ROS1: variants seen among roughly 807,000 people sequenced by gnomAD.
ROS1 encodes the protein ROS proto-oncogene 1, receptor tyrosine kinase.
Under a neutral mutation model 273.5 loss-of-function variants are expected in ROS1, and 263 were observed. The ratio of observed to expected loss-of-function variants is 0.96; its 90% CI spans 0.87 to 1.06. The LOEUF (loss-of-function observed/expected upper bound fraction) is 1.06, where lower values mean the gene tolerates loss of function less well. Among genes scored for constraint, ROS1 ranks in the 50% least tolerant of loss-of-function variants. ROS1 has a pLI of 0.00. For missense variants in ROS1, 2,833 were observed against 2,751.1 expected (o/e 1.03, Z -0.67); for synonymous variants, 1,008 against 954.1 (o/e 1.06, Z -1.04).
intron 42 of ROS1, among the ~76,000 whole-genome samples, chr6:117,305,225 C>T (rs898054451): frequency 6.6e-6 from 1 of 152,058 alleles, no homozygotes; most frequent in African/African-American, 2.4e-5. Flanking sequence ...TATTGCCATA[C>T]TTACTTATAA....
At chr6:117,303,752 G>T (rs1774910366) in intron 42 of ROS1, among the ~76,000 whole-genome samples, 1 of 152,130 alleles carries the variant, frequency 6.6e-6, no homozygotes. Context: ...TTATAAAGGG[G>T]CAGGTTGGAA....
intron 42 of ROS1, 62 bp from the exon 43 acceptor site, chr6:117,301,199 G>A (rs1774697394): frequency 7.3e-7 from 1 of 1,365,344 alleles, no homozygotes; most frequent in Admixed American, 2.7e-5. Context: ...TGATAACCCA[G>A]GTAGGGTCAT....
Position 117,351,476 on chromosome 6 carries a change from G to A in ROS1, c.4303+1514C>T, listed in dbSNP as rs80157339. Among the ~76,000 whole-genome samples, 667 of 152,198 alleles carry A rather than the reference G, an allele frequency of 4.4e-3. 3 individuals carry two copies. Among genetic ancestry groups the A allele is most frequent in the African/African-American group, 0.016 (644 of 41,522 alleles). ...AAGAAAAAAACCAGTTAAAGCTCCT[G>A]GAGGTAAAACTTATAAAATGAAGCC... On this transcript the variant is annotated intron_variant, in intron 27 of 43. Transcript: ENST00000368507.
intron 7 of ROS1, among the ~76,000 whole-genome samples, chr6:117,398,693 A>AAC (rs1554252570): frequency 7.1e-6 from 1 of 141,094 alleles, no homozygotes; most frequent in Non-Finnish European, 1.6e-5. Context: ...AAAAAAAAAA[A>AAC]AAAACTCGCG....
chr6:117,410,096 G>T (rs1182724067), intron 4 of ROS1, among the ~76,000 whole-genome samples: 1 of 152,038 alleles, frequency 6.6e-6, no homozygotes, highest in Non-Finnish European at 1.5e-5. Flanking sequence ...GAACATTTTC[G>T]TTGTCCCCAA....
At chr6:117,379,278 A>T in intron 17 of ROS1, 119 bp from the exon 18 acceptor site, 1 of 621,654 alleles carries the variant, frequency 1.6e-6, no homozygotes, top group East Asian at 2.8e-5. Flanking sequence ...TAATAAATTC[A>T]GTAATTTTTA....
At position 117,383,356 on chromosome 6, in the gene ROS1, G is replaced by C. The variant is rs750836522; in HGVS notation, c.2442C>G (p.Ser814=). The C allele has an allele frequency of 4.3e-6, 7 of 1,613,828 alleles. No individual in the cohort carries two copies. The highest frequency in any genetic ancestry group is 4.0e-5 in the African/African-American group (3 of 74,894). ...ACCAAGGCTGTGTCTGTAGTACAAGGGAACTTTCCCCATTTAGTCTGGTGC... is the reference window on the plus strand; with the variant it reads ...ACCAAGGCTGTGTCTGTAGTACAAGCGAACTTTCCCCATTTAGTCTGGTGC... ...VESTRLNGES[S]LVLQTQPWFS... The change falls in exon 17 of 44, where the codon TCC becomes TCG. Residue 814 remains serine, a synonymous_variant. Coordinates refer to ENST00000368507, the MANE Select transcript of ROS1 (RefSeq NM_001378902.1).
Position 117,365,811 on chromosome 6 carries a change from G to GA in ROS1, c.2798-71dup, listed in dbSNP as rs1033018222. On this transcript the variant is annotated intron_variant, in intron 19 of 43. Transcript: ENST00000368507. Reference sequence around the variant, plus strand: ...ATTATTGACCAATATAGAAATCATAGAAAATCAATAGCAATTACTAATAAT... The same window carrying GA: ...ATTATTGACCAATATAGAAATCATAGAAAAATCAATAGCAATTACTAATAAT... 20 of 1,212,890 alleles carry GA rather than the reference G, an allele frequency of 1.6e-5. No individual in the cohort carries two copies. In the African/African-American group the frequency reaches 3.1e-4, roughly 19 times the overall value. 75.1% of individuals were successfully genotyped at this position (1,212,890 alleles called of 1,614,324 possible).
Position 117,288,421 on chromosome 6 carries a change from A to G in ROS1, c.*71T>C, listed in dbSNP as rs918195419. On this transcript the variant is annotated 3_prime_UTR_variant, in exon 44 of 44. Coordinates refer to ENST00000368507, the MANE Select transcript of ROS1 (RefSeq NM_001378902.1). Reference sequence around the variant, plus strand: ...AGACCACCATGACATTTATCATTCTAGCAGAGTTTTCTTTCAGTAACTACT... The same window carrying G: ...AGACCACCATGACATTTATCATTCTGGCAGAGTTTTCTTTCAGTAACTACT... 5 of 1,247,722 alleles carry G rather than the reference A, an allele frequency of 4.0e-6. No individual in the cohort carries two copies. The African/African-American group carries it at 6.0e-5, about 15-fold the overall frequency. 77.3% of individuals were successfully genotyped at this position (1,247,722 alleles called of 1,614,324 possible). A position where few individuals can be genotyped will look rare whatever the true frequency, so the allele number is the denominator to read the frequency against.
At chr6:117,412,605 C>CAGATAGATAGATAGATAGATAGATAGAT (rs3836982) in intron 4 of ROS1, among the ~76,000 whole-genome samples, 5 of 151,148 alleles carry the variant, frequency 3.3e-5, no homozygotes, top group African/African-American at 1.2e-4. Flanking sequence ...GATAGATAGA[C>CAGATAGATAGATAGATAGATAGATAGAT]AGATAGATAG....
intron 36 of ROS1, among the ~76,000 whole-genome samples, chr6:117,320,707 T>C (rs923394937): frequency 2.0e-5 from 3 of 152,176 alleles, no homozygotes; most frequent in Non-Finnish European, 4.4e-5. Context: ...GCATTATAAA[T>C]TTCTGAAAGC....
intron 27 of ROS1, among the ~76,000 whole-genome samples, chr6:117,349,453 GTCTT>G (rs1778633162): frequency 6.6e-6 from 1 of 151,840 alleles, no homozygotes; most frequent in Non-Finnish European, 1.5e-5. Flanking sequence ...TATATGATGT[GTCTT>G]TATATTTAAA....
chr6:117,325,502 C>T (rs888534144), intron 34 of ROS1, among the ~76,000 whole-genome samples: 1 of 152,152 alleles, frequency 6.6e-6, no homozygotes, highest in Non-Finnish European at 1.5e-5. Flanking sequence ...AAGTTTGTAG[C>T]TGATTCTGAA....
chr6:117,318,795 C>T (rs191110535), intron 37 of ROS1, among the ~76,000 whole-genome samples: 9 of 152,202 alleles, frequency 5.9e-5, no homozygotes, highest in Non-Finnish European at 1.2e-4. Flanking sequence ...CATCTCACAC[C>T]ATCTTTCCTC....
chr6:117,344,260 T>C lies in ROS1; in HGVS notation c.4306A>G (p.Lys1436Glu). ...YSSVMQPFPDKAFLSLASDTV... is the reference protein window; with the variant it reads ...YSSVMQPFPDEAFLSLASDTV... ...TCTGAAGCTAGAGACAGAAACGCTT[T>C]ATCTAAAATAAGAAGAAACCAAAAG... The change falls in exon 28 of 44, where the codon AAA becomes GAA. Residue 1436 changes from lysine (K) to glutamate (E), a missense_variant and splice_region_variant. Lys to Glu is a moderately conservative substitution (Grantham distance 56). Transcript: ENST00000368507. 1 of 1,611,978 alleles carries C rather than the reference T, an allele frequency of 6.2e-7. No individual in the cohort carries two copies. Among genetic ancestry groups the C allele is most frequent in the Non-Finnish European group, 8.5e-7 (1 of 1,178,286 alleles).
intron 23 of ROS1, 150 bp from the exon 24 acceptor site, chr6:117,360,161 C>T: frequency 1.3e-6 from 1 of 774,870 alleles, no homozygotes; most frequent in Middle Eastern, 3.4e-4. Flanking sequence ...TGTAGGCTCT[C>T]TACCCCTAGG....
intron 5 of ROS1, 144 bp from the exon 6 acceptor site, chr6:117,404,572 T>G (rs1424327436): frequency 1.5e-6 from 1 of 649,614 alleles, no homozygotes; most frequent in Admixed American, 3.4e-5. Context: ...ATCAATGGTA[T>G]GCATATTCAG....
chr6:117,350,028 T>G (rs1778690594), intron 27 of ROS1, among the ~76,000 whole-genome samples: 1 of 151,752 alleles, frequency 6.6e-6, no homozygotes, highest in South Asian at 2.1e-4. Flanking sequence ...ATCCATTAGG[T>G]CAGTTAAGAA....
intron 1 of ROS1, among the ~76,000 whole-genome samples, chr6:117,420,526 C>T (rs946865152): frequency 6.0e-5 from 9 of 150,882 alleles, no homozygotes; most frequent in African/African-American, 2.2e-4. Context: ...CACAAGTATA[C>T]ATATGTAACA....
Sources: gnomAD v4.1 joint callset for allele counts (sites outside exome capture counted in the v4.1 genomes callset) on GRCh38, gnomAD v4.1.1 for gene constraint, MANE v1.5 for transcripts, NCBI Gene and HGNC (gene_info 2026-07-23, HGNC 2026-07-21) for gene names.